The following CNTN4 variants were observed in gnomAD, a reference collection of about 807,000 sequenced individuals.
CNTN4 encodes contactin 4.
CNTN4 carries 77 observed loss-of-function variants against 122.5 expected under a neutral mutation model. The ratio of observed to expected loss-of-function variants is 0.63; its 90% CI spans 0.52 to 0.76. The LOEUF is 0.76. CNTN4 is among the 30% of genes least tolerant of loss of function. CNTN4 has a pLI of 0.00. For missense variants in CNTN4, 1,256 were observed against 1,259.1 expected (o/e 1.00, Z 0.04); for synonymous variants, 512 against 447.0 (o/e 1.15, Z -1.83).
intron 2 of CNTN4, among the ~76,000 whole-genome samples, chr3:2,324,816 G>C (rs1267737388): frequency 6.7e-6 from 1 of 149,562 alleles, no homozygotes; most frequent in Admixed American, 6.7e-5. Flanking sequence ...CCCTCCCCTA[G>C]CCCCCAACTT....
chr3:2,301,854 T>C, intron 2 of CNTN4, among the ~76,000 whole-genome samples: 1 of 152,194 alleles, frequency 6.6e-6, no homozygotes, highest in East Asian at 1.9e-4. Context: ...CTTAATATAA[T>C]AATAACTGAA....
At chr3:3,039,860 C>A in intron 19 of CNTN4, 177 bp from the exon 20 acceptor site, 1 of 642,296 alleles carries the variant, frequency 1.6e-6, no homozygotes, top group South Asian at 1.7e-5. Flanking sequence ...TCCAGTACAT[C>A]ATAACTGTTT....
chr3:2,938,363 C>T (rs993069774), intron 13 of CNTN4, among the ~76,000 whole-genome samples: 2 of 152,066 alleles, frequency 1.3e-5, no homozygotes, highest in African/African-American at 4.8e-5. Context: ...ACTATGCCCT[C>T]TGCTTAATTT....
chr3:2,142,266 A>C (rs2035028924), intron 2 of CNTN4, among the ~76,000 whole-genome samples: 1 of 152,218 alleles, frequency 6.6e-6, no homozygotes, highest in South Asian at 2.1e-4. Flanking sequence ...AAAATATTTC[A>C]TAATTTCTCC....
At chr3:2,189,218 G>T (rs772732316) in intron 2 of CNTN4, among the ~76,000 whole-genome samples, 1 of 152,116 alleles carries the variant, frequency 6.6e-6, no homozygotes, top group Non-Finnish European at 1.5e-5. Flanking sequence ...CACATGCAGG[G>T]TGTGCCCAGG....
At position 2,858,771 on chromosome 3, in the gene CNTN4, T is replaced by G. The variant is rs2093643302; in HGVS notation, c.455-7981T>G. Among the ~76,000 whole-genome samples the G allele has an allele frequency of 2.0e-5, 3 of 152,132 alleles. No individual in the cohort carries two copies. In the South Asian group the frequency reaches 6.2e-4, roughly 32 times the overall value. On this transcript the variant is annotated intron_variant, in intron 7 of 24. Coordinates refer to ENST00000418658, the MANE Select transcript of CNTN4 (RefSeq NM_175607.3). ...CAAGATATATATTTGATTTTTAGTT[T>G]TTTATTATTTATTTTTAATTGACAA... is the stretch of plus-strand genomic sequence containing the variant.
rs114191513 is a variant in CNTN4 at position 2,435,152 on chromosome 3, A to G, written c.-89+95919A>G. ...ATGATTGTGTGTATTATTAAACACC[A>G]TTAATTCTACCAATTAATTACCAAT... On this transcript the variant is annotated intron_variant, in intron 3 of 24. Transcript: ENST00000418658. 5.7e-3 allele frequency among the ~76,000 whole-genome samples: 875 copies of G among 152,304 alleles called. 11 individuals carry two copies. The highest frequency in any genetic ancestry group is 0.02 in the African/African-American group (834 of 41,580).
chr3:2,399,714 T>C (rs1244978340), intron 3 of CNTN4, among the ~76,000 whole-genome samples: 2 of 152,084 alleles, frequency 1.3e-5, no homozygotes, highest in African/African-American at 4.8e-5. Context: ...AGGTTTATGC[T>C]TCTCTAAAAA....
intron 3 of CNTN4, among the ~76,000 whole-genome samples, chr3:2,443,587 A>G (rs1025102036): frequency 2.0e-4 from 30 of 152,206 alleles, no homozygotes; most frequent in African/African-American, 7.2e-4. Context: ...ACAATAGTCC[A>G]ATAAGAAAGA....
At chr3:2,681,996 G>C (rs1319082130) in intron 4 of CNTN4, among the ~76,000 whole-genome samples, 1 of 152,112 alleles carries the variant, frequency 6.6e-6, no homozygotes, top group Non-Finnish European at 1.5e-5. Flanking sequence ...TAAAATACTA[G>C]AATGGGATAT....
chr3:2,855,155 C>G (rs556282889), intron 7 of CNTN4, among the ~76,000 whole-genome samples: 1 of 152,284 alleles, frequency 6.6e-6, no homozygotes, highest in Non-Finnish European at 1.5e-5. Flanking sequence ...CAAGGTTGTC[C>G]TGATCCCTAC....
chr3:2,486,738 A>G (rs1390998698), intron 3 of CNTN4, among the ~76,000 whole-genome samples: 1 of 152,124 alleles, frequency 6.6e-6, no homozygotes, highest in East Asian at 1.9e-4. Context: ...AATAACATTT[A>G]TTTGGGTACA....
chr3:2,230,686 T>C (rs1239476193), intron 2 of CNTN4, among the ~76,000 whole-genome samples: 2 of 152,140 alleles, frequency 1.3e-5, no homozygotes, highest in Non-Finnish European at 2.9e-5. Flanking sequence ...CACTGTTTAA[T>C]AGAAACATGA....
At chr3:3,006,728 G>A (rs1467769791) in intron 14 of CNTN4, among the ~76,000 whole-genome samples, 6 of 152,118 alleles carry the variant, frequency 3.9e-5, no homozygotes, top group South Asian at 2.1e-4. Flanking sequence ...TGCCAGGCCC[G>A]ATTTCATATA....
intron 16 of CNTN4, 83 bp from the exon 17 acceptor site, chr3:3,034,549 C>A (rs532045655): frequency 7.3e-7 from 1 of 1,361,712 alleles, no homozygotes; most frequent in South Asian, 1.2e-5. Context: ...ATGAATGGGT[C>A]AATGCCCCAT....
At chr3:2,987,884 A>C (rs1414374166) in intron 13 of CNTN4, among the ~76,000 whole-genome samples, 1 of 152,212 alleles carries the variant, frequency 6.6e-6, no homozygotes, top group African/African-American at 2.4e-5. Context: ...TTCAGAAATA[A>C]ATATGCTTAA....
intron 3 of CNTN4, among the ~76,000 whole-genome samples, chr3:2,499,853 C>T (rs991933526): frequency 1.3e-5 from 2 of 152,006 alleles, no homozygotes; most frequent in African/African-American, 4.8e-5. Context: ...TTGACCCTTC[C>T]AGTTCATGAA....
intron 2 of CNTN4, among the ~76,000 whole-genome samples, chr3:2,237,544 G>A (rs769238752): frequency 6.6e-6 from 1 of 152,152 alleles, no homozygotes; most frequent in Non-Finnish European, 1.5e-5. Flanking sequence ...TAAAAAGAGA[G>A]AGGGATTTCT....
chr3:2,478,839 G>A lies in CNTN4; in HGVS notation c.-88-92577G>A, dbSNP rs140579615. 9.8e-4 allele frequency among the ~76,000 whole-genome samples: 149 copies of A among 152,158 alleles called. 7 individuals are homozygous for A. The East Asian group carries it at 0.022, about 22-fold the overall frequency. ...TTCTTTCTCTAGTCTGTCACTGATG[G>A]ACATTTAGGTTGATTCCATGTCCTT... On this transcript the variant is annotated intron_variant, in intron 3 of 24. Coordinates refer to ENST00000418658, the MANE Select transcript of CNTN4 (RefSeq NM_175607.3).
Sources: allele counts gnomAD v4.1 joint callset (sites outside exome capture counted in the v4.1 genomes callset), GRCh38; gene constraint gnomAD v4.1.1; transcripts MANE v1.5; gene names NCBI Gene and HGNC (gene_info 2026-07-23, HGNC 2026-07-21).